Variants in CUX2 observed in about 807,000 individuals in gnomAD.
The protein encoded by CUX2 is homeobox protein cut-like 2.
Under a neutral mutation model 144.8 loss-of-function variants are expected in CUX2, and 40 were observed. That is an observed-to-expected ratio of 0.28 (90% confidence interval 0.21 to 0.36). CUX2 has a LOEUF of 0.36. Among genes scored for constraint, CUX2 ranks in the 10% least tolerant of loss-of-function variants. The pLI is 1.00. For synonymous variants in CUX2, 827 were observed against 875.6 expected (o/e 0.94, Z 0.98); for missense variants, 1,615 against 1,994.0 (o/e 0.81, Z 3.62).
intron 1 of CUX2, among the ~76,000 whole-genome samples, chr12:111,145,357 T>TA (rs139304156): frequency 0.01 from 1,533 of 152,300 alleles, 31 homozygotes; most frequent in African/African-American, 0.035. Context: ...ACCAGTGCCT[T>TA]AAGCTTCATT....
chr12:111,054,970 G>A (rs1235972503), intron 1 of CUX2, among the ~76,000 whole-genome samples: 2 of 152,118 alleles, frequency 1.3e-5, no homozygotes, highest in Non-Finnish European at 2.9e-5. Context: ...AGGAAGCTGA[G>A]GCACAGAAAG....
chr12:111,041,884 A>C (rs1262580400), intron 1 of CUX2, among the ~76,000 whole-genome samples: 1 of 152,170 alleles, frequency 6.6e-6, no homozygotes, highest in Non-Finnish European at 1.5e-5. Context: ...GCTCCTGACC[A>C]ATGCATGAAG....
intron 4 of CUX2, among the ~76,000 whole-genome samples, chr12:111,279,497 G>A (rs1885021839): frequency 6.6e-6 from 1 of 152,226 alleles, no homozygotes; most frequent in African/African-American, 2.4e-5. Flanking sequence ...TCATTAGAGT[G>A]GCCTCTAATC....
At chr12:111,216,581 C>T (rs978568604) in intron 2 of CUX2, among the ~76,000 whole-genome samples, 8 of 152,196 alleles carry the variant, frequency 5.3e-5, no homozygotes, top group Non-Finnish European at 1.0e-4. Context: ...GAGCAGAGCA[C>T]GCCACCCCAT....
At chr12:111,204,465 G>A (rs1880792693) in intron 1 of CUX2, among the ~76,000 whole-genome samples, 1 of 152,188 alleles carries the variant, frequency 6.6e-6, no homozygotes, top group Admixed American at 6.5e-5. Context: ...ACAGACAGAT[G>A]GACCAGGCCT....
At chr12:111,102,135 C>T (rs1467748654) in intron 1 of CUX2, among the ~76,000 whole-genome samples, 1 of 152,176 alleles carries the variant, frequency 6.6e-6, no homozygotes, top group Non-Finnish European at 1.5e-5. Context: ...GTGTGCCAGG[C>T]ATCTGGCTGG....
At chr12:111,161,880 A>G (rs1346817844) in intron 1 of CUX2, among the ~76,000 whole-genome samples, 3 of 152,166 alleles carry the variant, frequency 2.0e-5, no homozygotes, top group Non-Finnish European at 4.4e-5. Flanking sequence ...GACTACAGGC[A>G]TGCGCAAACA....
chr12:111,240,790 C>T (rs962077568), intron 3 of CUX2, among the ~76,000 whole-genome samples: 4 of 152,162 alleles, frequency 2.6e-5, no homozygotes, highest in African/African-American at 9.7e-5. Flanking sequence ...TGTGAGGTTC[C>T]TGAAGACATT....
chr12:111,306,878 C>G (rs1485626408), intron 10 of CUX2, 43 bp from the exon 11 acceptor site: 11 of 1,514,886 alleles, frequency 7.3e-6, no homozygotes, highest in Non-Finnish European at 9.8e-6. Flanking sequence ...TGTGGACCCC[C>G]ATCCCTCACC....
rs535787994 is a variant in CUX2 at position 111,091,163 on chromosome 12, G to C, written c.63+56923G>C. On this transcript the variant is annotated intron_variant, in intron 1 of 21. Coordinates refer to ENST00000261726, the MANE Select transcript of CUX2 (RefSeq NM_015267.4). ...GGTCACTCACTGGACTCACCCAAAA[G>C]GTGGCTGAAGGAGTCAGTGTTCCCA... is the stretch of plus-strand genomic sequence containing the variant. 6.6e-5 allele frequency among the ~76,000 whole-genome samples: 10 copies of C among 152,326 alleles called. No homozygotes were observed. The South Asian group carries it at 1.7e-3, about 25-fold the overall frequency.
intron 4 of CUX2, among the ~76,000 whole-genome samples, chr12:111,273,802 A>G (rs1192005926): frequency 6.6e-6 from 1 of 152,214 alleles, no homozygotes; most frequent in Non-Finnish European, 1.5e-5. Flanking sequence ...TCCGAGCCTC[A>G]GTTTCCCCAA....
At chr12:111,238,949 G>C (rs1272734407) in intron 3 of CUX2, among the ~76,000 whole-genome samples, 1 of 152,224 alleles carries the variant, frequency 6.6e-6, no homozygotes, top group African/African-American at 2.4e-5. Context: ...GGAGGCTGAG[G>C]CTTGAGAATC....
intron 3 of CUX2, among the ~76,000 whole-genome samples, chr12:111,233,692 G>A (rs1296657741): frequency 6.6e-6 from 1 of 152,128 alleles, no homozygotes; most frequent in African/African-American, 2.4e-5. Context: ...GAATATTCTG[G>A]AGAATCCTGA....
chr12:111,100,754 G>A (rs1230738498), intron 1 of CUX2, among the ~76,000 whole-genome samples: 1 of 152,198 alleles, frequency 6.6e-6, no homozygotes, highest in Admixed American at 6.5e-5. Flanking sequence ...GCACAGGAGG[G>A]TGTGAGCAGT....
rs75173391 is a variant in CUX2 at position 111,147,220 on chromosome 12, T to C, written c.64-66980T>C. Among the ~76,000 whole-genome samples, 1,243 of 152,352 alleles carry C rather than the reference T, an allele frequency of 8.2e-3. 20 individuals carry two copies. Among genetic ancestry groups the C allele is most frequent in the African/African-American group, 0.028 (1,179 of 41,574 alleles). ...TTTAGATGAGATGAACTGTGGAGAATTATTTTCAGAACTATTTTGGTAGAT... is the reference window on the plus strand; with the variant it reads ...TTTAGATGAGATGAACTGTGGAGAACTATTTTCAGAACTATTTTGGTAGAT... On this transcript the variant is annotated intron_variant, in intron 1 of 21. Transcript: ENST00000261726.
At chr12:111,194,591 G>A (rs1409407786) in intron 1 of CUX2, among the ~76,000 whole-genome samples, 1 of 152,204 alleles carries the variant, frequency 6.6e-6, no homozygotes, top group African/African-American at 2.4e-5. Flanking sequence ...GCAGCCTCCT[G>A]TAGCAGGGAC....
chr12:111,178,928 C>T lies in CUX2; in HGVS notation c.64-35272C>T, dbSNP rs780203575. Among the ~76,000 whole-genome samples the T allele has an allele frequency of 3.3e-5, 5 of 152,072 alleles. No individual in the cohort carries two copies. Among genetic ancestry groups the T allele is most frequent in the African/African-American group, 7.2e-5 (3 of 41,408 alleles). Reference sequence around the variant, plus strand: ...CGGGGAATGACAGCAAGGGGGTCAGCGGTCGGCGCAGGGGAAAGCAGGGCT... The same window carrying T: ...CGGGGAATGACAGCAAGGGGGTCAGTGGTCGGCGCAGGGGAAAGCAGGGCT... On this transcript the variant is annotated intron_variant, in intron 1 of 21. Coordinates refer to ENST00000261726, the MANE Select transcript of CUX2 (RefSeq NM_015267.4). The surrounding 1 kb of genome is among the most constrained non-coding windows in gnomAD (Gnocchi z 5.7).
intron 3 of CUX2, among the ~76,000 whole-genome samples, chr12:111,247,208 G>A (rs561139280): frequency 5.3e-5 from 8 of 152,162 alleles, no homozygotes; most frequent in Non-Finnish European, 1.0e-4. Flanking sequence ...AGCACCGCAC[G>A]TGGAAAGTTA....
chr12:111,249,426 A>T (rs1883448228), intron 3 of CUX2, among the ~76,000 whole-genome samples: 29 of 125,476 alleles, frequency 2.3e-4, no homozygotes, highest in East Asian at 6.7e-4. Context: ...TTTTTTTTAA[A>T]TTAATAGACC....
Sources: gnomAD v4.1 joint callset for allele counts (sites outside exome capture counted in the v4.1 genomes callset) on GRCh38, gnomAD v4.1.1 for gene constraint, Gnocchi (gnomAD v3.1) non-coding constraint, MANE v1.5 for transcripts, NCBI Gene and HGNC (gene_info 2026-07-23, HGNC 2026-07-21) for gene names.